Variants in MYRIP observed in about 807,000 individuals in gnomAD.
MYRIP encodes the protein rab effector MyRIP.
Under a neutral mutation model 98.0 loss-of-function variants are expected in MYRIP, and 49 were observed. That is an observed-to-expected ratio of 0.50 (90% CI 0.40 to 0.63). The LOEUF (loss-of-function observed/expected upper bound fraction) is 0.63. Among genes scored for constraint, MYRIP ranks in the 30% least tolerant of loss-of-function variants. The probability of loss-of-function intolerance (pLI) is 0.00; values close to 1 mark genes in which losing one functional copy is unlikely to be tolerated. For synonymous variants in MYRIP, 404 were observed against 409.5 expected (o/e 0.99, Z 0.16); for missense variants, 1,004 against 1,058.2 (o/e 0.95, Z 0.71).
rs1575489047 is a variant in MYRIP at position 40,041,239 on chromosome 3, A to C, written c.111-2811A>C. On this transcript the variant is annotated intron_variant, in intron 2 of 16. Transcript: ENST00000302541. ...GTAATAACTGGGACAAGACTAATCA[A>C]CTGATACTATATAACTGGTGAATGA... is the stretch of plus-strand genomic sequence containing the variant. 2.5e-5 allele frequency among the ~76,000 whole-genome samples: 3 copies of C among 121,718 alleles called. No individual in the cohort carries two copies. The South Asian group carries it at 8.7e-4, about 35-fold the overall frequency. 79.9% of individuals were successfully genotyped at this position (121,718 alleles called of 152,430 possible).
intron 10 of MYRIP, among the ~76,000 whole-genome samples, chr3:40,191,054 A>C (rs987717003): frequency 2.6e-5 from 4 of 152,242 alleles, no homozygotes; most frequent in Non-Finnish European, 5.9e-5. Context: ...CTCAGTAAAC[A>C]TTATTTCAAT....
intron 2 of MYRIP, among the ~76,000 whole-genome samples, chr3:39,958,215 T>G (rs1022578282): frequency 2.0e-5 from 3 of 152,094 alleles, no homozygotes; most frequent in African/African-American, 7.2e-5. Flanking sequence ...GAACCCGCAT[T>G]GCCAAGTCAA....
In MYRIP at chr3:40,043,854, A is replaced by G. The variant is rs541902856; in HGVS notation, c.111-196A>G. ...AAATCTGACATACAGGAGTACACAAAACTAATCTACGATTAATGTTCTTCT... is the reference window on the plus strand; with the variant it reads ...AAATCTGACATACAGGAGTACACAAGACTAATCTACGATTAATGTTCTTCT... On this transcript the variant is annotated intron_variant, in intron 2 of 16. Coordinates refer to ENST00000302541, the MANE Select transcript of MYRIP (RefSeq NM_015460.4). Among the ~76,000 whole-genome samples the G allele has an allele frequency of 4.6e-5, 7 of 152,330 alleles. No homozygotes were observed. In the East Asian group the frequency reaches 1.4e-3, roughly 29 times the overall value.
rs138323209 is a variant in MYRIP at position 39,884,599 on chromosome 3, G to A, written c.-30-16188G>A. ...TTTGAACTCAAACTGCAAGGTGTAT[G>A]TATATAATAGAAACATATATTTTGT... On this transcript the variant is annotated intron_variant, in intron 1 of 16. Transcript: ENST00000302541. 7.8e-3 allele frequency among the ~76,000 whole-genome samples: 1,186 copies of A among 152,124 alleles called. 7 individuals carry two copies. Among genetic ancestry groups the A allele is most frequent in the Non-Finnish European group, 0.013 (890 of 67,978 alleles).
At chr3:40,077,036 T>C (rs1300898961) in intron 3 of MYRIP, among the ~76,000 whole-genome samples, 1 of 152,138 alleles carries the variant, frequency 6.6e-6, no homozygotes, top group Non-Finnish European at 1.5e-5. Flanking sequence ...CGTGGACCCT[T>C]GCGGTGAGTG....
intron 2 of MYRIP, among the ~76,000 whole-genome samples, chr3:39,993,329 C>T (rs980447163): frequency 6.6e-6 from 1 of 152,154 alleles, no homozygotes; most frequent in African/African-American, 2.4e-5. Flanking sequence ...ATTGAGTTTC[C>T]AGCACATACT....
At chr3:40,167,824 A>C (rs556763754) in intron 7 of MYRIP, among the ~76,000 whole-genome samples, 6 of 152,160 alleles carry the variant, frequency 3.9e-5, no homozygotes, top group Non-Finnish European at 8.8e-5. Context: ...CCGGTTTAAT[A>C]TAAAGGGTAC....
intron 3 of MYRIP, among the ~76,000 whole-genome samples, chr3:40,115,180 C>G (rs1194125431): frequency 6.6e-6 from 1 of 151,972 alleles, no homozygotes; most frequent in East Asian, 1.9e-4. Flanking sequence ...ATTGATCATC[C>G]AAGGAAGACA....
intron 3 of MYRIP, among the ~76,000 whole-genome samples, chr3:40,112,086 C>T (rs1417312121): frequency 6.6e-6 from 1 of 152,142 alleles, no homozygotes; most frequent in Non-Finnish European, 1.5e-5. Flanking sequence ...ATTTAAGGTC[C>T]TCAGATGAGC....
At chr3:39,829,386 CTTA>C (rs1319140084) in intron 1 of MYRIP, among the ~76,000 whole-genome samples, 1 of 152,152 alleles carries the variant, frequency 6.6e-6, no homozygotes, top group Non-Finnish European at 1.5e-5. Flanking sequence ...CAGGGAAAGA[CTTA>C]TTTGTATTGA....
At chr3:40,180,786 C>A (rs965516354) in intron 8 of MYRIP, among the ~76,000 whole-genome samples, 2 of 152,166 alleles carry the variant, frequency 1.3e-5, no homozygotes, top group Admixed American at 1.3e-4. Context: ...TCCTAGATCA[C>A]CCCAAGGTTT....
chr3:39,908,460 G>A (rs887901593), intron 2 of MYRIP, among the ~76,000 whole-genome samples: 5 of 152,106 alleles, frequency 3.3e-5, no homozygotes, highest in Admixed American at 2.0e-4. Context: ...TAAGTGTTCT[G>A]AGAAAATAAA....
intron 5 of MYRIP, chr3:40,163,013 C>T: frequency 2.0e-6 from 1 of 488,312 alleles, no homozygotes; most frequent in Admixed American, 3.8e-5. Flanking sequence ...CAAAATGTGG[C>T]CAAGAGAACA....
intron 3 of MYRIP, among the ~76,000 whole-genome samples, chr3:40,076,709 A>C (rs1326553650): frequency 2.0e-5 from 3 of 152,158 alleles, no homozygotes; most frequent in African/African-American, 7.2e-5. Context: ...GCTTAGCTCA[A>C]AGGGGGACTG....
At chr3:39,988,585 G>C (rs1946095297) in intron 2 of MYRIP, among the ~76,000 whole-genome samples, 1 of 151,752 alleles carries the variant, frequency 6.6e-6, no homozygotes, top group South Asian at 2.1e-4. Flanking sequence ...AGTTCTCCTG[G>C]ATAATATTCT....
At chr3:39,900,997 G>T in intron 2 of MYRIP, 71 bp downstream of exon 2, 6 of 1,138,158 alleles carry the variant, frequency 5.3e-6, no homozygotes, top group Admixed American at 1.8e-5. Context: ...TTTCCTGAGG[G>T]TATTCCCTCC....
chr3:39,966,815 G>A (rs1466796861), intron 2 of MYRIP, among the ~76,000 whole-genome samples: 1 of 152,174 alleles, frequency 6.6e-6, no homozygotes, highest in Non-Finnish European at 1.5e-5. Context: ...TCTCCCTCTA[G>A]TCACCTGCCA....
chr3:40,130,676 G>A lies in MYRIP; in HGVS notation c.333-20372G>A, dbSNP rs553461885. Among the ~76,000 whole-genome samples the A allele has an allele frequency of 2.0e-4, 31 of 151,890 alleles. No homozygotes were observed. The South Asian group carries it at 6.2e-3, about 31-fold the overall frequency. On this transcript the variant is annotated intron_variant, in intron 3 of 16. Coordinates refer to ENST00000302541, the MANE Select transcript of MYRIP (RefSeq NM_015460.4). ...ATTACAAGCGTGAGCCACCGCGCCC[G>A]GCCTCTAGTCCAAATTTCTACCCTC...
At chr3:40,236,227 T>C (rs1010619803) in intron 12 of MYRIP, among the ~76,000 whole-genome samples, 5 of 152,234 alleles carry the variant, frequency 3.3e-5, no homozygotes, top group Non-Finnish European at 5.9e-5. Flanking sequence ...AGCAATAGGC[T>C]AGGTGTGTAG....
Sources: allele counts gnomAD v4.1 joint callset (sites outside exome capture counted in the v4.1 genomes callset), GRCh38; gene constraint gnomAD v4.1.1; transcripts MANE v1.5; gene names NCBI Gene and HGNC (gene_info 2026-07-23, HGNC 2026-07-21).